The following ST3GAL1 variants were observed in gnomAD, a reference collection of about 807,000 sequenced individuals.
ST3GAL1 encodes CMP-N-acetylneuraminate-beta-galactosamide-alpha-2,3-sialyltransferase 1.
ST3GAL1 carries 16 observed loss-of-function variants against 34.1 expected under a neutral mutation model. The ratio of observed to expected loss-of-function variants is 0.47; its 90% CI spans 0.32 to 0.71. The LOEUF (loss-of-function observed/expected upper bound fraction) is 0.71, where lower values mean the gene tolerates loss of function less well. ST3GAL1 is among the 30% of genes least tolerant of loss of function. The pLI, the probability that ST3GAL1 is intolerant of heterozygous loss-of-function variation, is 0.04. For missense variants in ST3GAL1, 353 were observed against 447.4 expected (o/e 0.79, Z 1.90); for synonymous variants, 191 against 184.7 (o/e 1.03, Z -0.28).
intron 1 of ST3GAL1, among the ~76,000 whole-genome samples, chr8:133,554,789 C>A (rs538976430): frequency 2.7e-5 from 4 of 148,880 alleles, no homozygotes; most frequent in African/African-American, 1.0e-4. Context: ...TGCAGTGGCG[C>A]GATCTCGGCT....
intron 2 of ST3GAL1, among the ~76,000 whole-genome samples, chr8:133,513,373 A>G (rs879792307): frequency 8.6e-5 from 13 of 151,784 alleles, no homozygotes; most frequent in African/African-American, 2.4e-4. Context: ...CACTTACATC[A>G]CTTTTCAGGA....
chr8:133,562,057 G>A (rs1819239936), intron 1 of ST3GAL1, among the ~76,000 whole-genome samples: 1 of 151,728 alleles, frequency 6.6e-6, no homozygotes. Flanking sequence ...TCCAGCCCAG[G>A]CAACAGAGCA....
chr8:133,506,604 G>C (rs1181022745), intron 2 of ST3GAL1, among the ~76,000 whole-genome samples: 1 of 152,062 alleles, frequency 6.6e-6, no homozygotes, highest in Non-Finnish European at 1.5e-5. Context: ...GGCCAACATG[G>C]TGAAACCCCG....
chr8:133,562,543 C>A (rs1028154392), intron 1 of ST3GAL1, among the ~76,000 whole-genome samples: 1 of 152,080 alleles, frequency 6.6e-6, no homozygotes, highest in Admixed American at 6.6e-5. Flanking sequence ...TCAGGAGGAC[C>A]GTCAGAAGAG....
intron 2 of ST3GAL1, among the ~76,000 whole-genome samples, chr8:133,528,177 TA>T (rs1818035255): frequency 6.6e-6 from 1 of 150,948 alleles, no homozygotes; most frequent in African/African-American, 2.4e-5. Flanking sequence ...CTGTCTCAAA[TA>T]AAAGAAAAAA....
chr8:133,507,116 G>C (rs78501421), intron 2 of ST3GAL1, among the ~76,000 whole-genome samples: 9 of 152,250 alleles, frequency 5.9e-5, no homozygotes, highest in African/African-American at 2.2e-4. Flanking sequence ...CATAAGAAAC[G>C]TGTTCTAGAC....
chr8:133,546,962 AC>A (rs1055328027), intron 1 of ST3GAL1, among the ~76,000 whole-genome samples: 25 of 151,570 alleles, frequency 1.6e-4, no homozygotes, highest in African/African-American at 6.1e-4. Context: ...CTGAGATCAC[AC>A]CACTGCCCTC....
At chr8:133,483,286 G>A (rs1234175098) in intron 3 of ST3GAL1, among the ~76,000 whole-genome samples, 1 of 152,162 alleles carries the variant, frequency 6.6e-6, no homozygotes. Context: ...AGGTTGCAGT[G>A]AGCTGAGATT....
intron 3 of ST3GAL1, among the ~76,000 whole-genome samples, chr8:133,484,520 T>A (rs1474632012): frequency 6.6e-6 from 1 of 152,106 alleles, no homozygotes; most frequent in Non-Finnish European, 1.5e-5. Flanking sequence ...CTTCCTTCCC[T>A]CCTTTCCTAC....
chr8:133,475,730 G>A lies in ST3GAL1; in HGVS notation c.295C>T (p.Arg99Ter), dbSNP rs1816146072. 4 of 1,596,232 alleles carry A rather than the reference G, an allele frequency of 2.5e-6. No individual in the cohort carries two copies. The highest frequency in any genetic ancestry group is 1.1e-5 in the South Asian group (1 of 88,938). Residue 99 changes from arginine to a stop codon, truncating the protein, a stop_gained, in exon 5 of 10, where the codon CGA (arginine) becomes TGA (stop). Transcript: ENST00000522652. LOFTEE classifies it high-confidence loss of function. ...QNALLEDDTY[R>*]WWLRLQREKK... ...AGGCAGCATCTCACCAGCCACCATCGGTAGGTGTCGTCCTCCAAGAGCGCG... is the reference window on the plus strand; with the variant it reads ...AGGCAGCATCTCACCAGCCACCATCAGTAGGTGTCGTCCTCCAAGAGCGCG...
chr8:133,532,327 C>G (rs2131047225), intron 2 of ST3GAL1, among the ~76,000 whole-genome samples: 1 of 152,084 alleles, frequency 6.6e-6, no homozygotes, highest in Non-Finnish European at 1.5e-5. Flanking sequence ...CAAAAATTAG[C>G]CGGGTGCAGT....
rs112422776 is a variant in ST3GAL1, at chr8:133,462,629, G to A, written c.730-635C>T. ...TTCTCAGGCAGGAGAGGGCGTGCAC[G>A]TCCAGAAAGCCAAACTCCAGCCCCT... On this transcript the variant is annotated intron_variant, in intron 8 of 9. Transcript: ENST00000522652. 7.7e-4 allele frequency among the ~76,000 whole-genome samples: 117 copies of A among 152,282 alleles called. 1 individual carries two copies. The highest frequency in any genetic ancestry group is 2.7e-3 in the African/African-American group (112 of 41,542).
intron 2 of ST3GAL1, among the ~76,000 whole-genome samples, chr8:133,515,338 TC>T (rs1817612543): frequency 6.6e-6 from 1 of 152,298 alleles, no homozygotes; most frequent in African/African-American, 2.4e-5. Context: ...ATTTGTCCCC[TC>T]CAAATCTCAC....
chr8:133,492,236 T>C (rs368209787), intron 3 of ST3GAL1, among the ~76,000 whole-genome samples: 1 of 152,088 alleles, frequency 6.6e-6, no homozygotes, highest in Non-Finnish European at 1.5e-5. Flanking sequence ...ATGGAGAGAC[T>C]GAGATACTAG....
chr8:133,569,593 C>T (rs1389737694), intron 1 of ST3GAL1, among the ~76,000 whole-genome samples: 1 of 152,098 alleles, frequency 6.6e-6, no homozygotes, highest in Non-Finnish European at 1.5e-5. Flanking sequence ...CAGATATTGG[C>T]AGAGGCTGAG....
intron 3 of ST3GAL1, among the ~76,000 whole-genome samples, chr8:133,490,722 C>T (rs897285998): frequency 2.6e-5 from 4 of 152,276 alleles, no homozygotes; most frequent in African/African-American, 7.2e-5. Context: ...GGAGCTGGAT[C>T]GTGGAAGTCC....
intron 3 of ST3GAL1, among the ~76,000 whole-genome samples, chr8:133,491,889 CCA>C (rs773235468): frequency 6.1e-4 from 93 of 152,230 alleles, no homozygotes; most frequent in Middle Eastern, 3.4e-3. Flanking sequence ...TACCTGGGCC[CCA>C]GAGGAGAGGA....
chr8:133,479,291 G>A (rs1468686081), intron 3 of ST3GAL1, among the ~76,000 whole-genome samples: 3 of 152,074 alleles, frequency 2.0e-5, no homozygotes, highest in African/African-American at 7.2e-5. Flanking sequence ...GAGCAAAGGA[G>A]GCCTGTATGG....
At chr8:133,460,332 C>T (rs997525007) in intron 9 of ST3GAL1, among the ~76,000 whole-genome samples, 7 of 152,298 alleles carry the variant, frequency 4.6e-5, no homozygotes, top group Admixed American at 1.3e-4. Flanking sequence ...AAGCAAACTG[C>T]CCCAAATCCC....
Sources: allele counts gnomAD v4.1 joint callset (sites outside exome capture counted in the v4.1 genomes callset), GRCh38; gene constraint gnomAD v4.1.1; transcripts MANE v1.5; gene names NCBI Gene and HGNC (gene_info 2026-07-23, HGNC 2026-07-21).